SGMS1: variants seen among roughly 807,000 people sequenced by gnomAD.
SGMS1 encodes phosphatidylcholine:ceramide cholinephosphotransferase 1.
In SGMS1, 13 loss-of-function variants were observed where a neutral mutation model predicts 46.2. The ratio of observed to expected loss-of-function variants is 0.28; its 90% CI spans 0.18 to 0.45. The LOEUF is 0.45. Among genes scored for constraint, SGMS1 ranks in the 20% least tolerant of loss-of-function variants. The pLI, the probability that SGMS1 is intolerant of heterozygous loss-of-function variation, is 1.00. For synonymous variants in SGMS1, 203 were observed against 187.8 expected (o/e 1.08, Z -0.66); for missense variants, 324 against 519.9 (o/e 0.62, Z 3.66).
chr10:50,612,174 A>G (rs988612323), intron 1 of SGMS1, among the ~76,000 whole-genome samples: 1 of 152,198 alleles, frequency 6.6e-6, no homozygotes, highest in Non-Finnish European at 1.5e-5. Flanking sequence ...TCCAAATTTA[A>G]GCATCTTCCA....
chr10:50,543,613 G>A (rs1431814989), intron 2 of SGMS1, among the ~76,000 whole-genome samples: 1 of 152,208 alleles, frequency 6.6e-6, no homozygotes, highest in Non-Finnish European at 1.5e-5. Context: ...GAATAATGGG[G>A]TTTTGAGGTC....
chr10:50,559,311 T>C (rs148196607), intron 2 of SGMS1, among the ~76,000 whole-genome samples: 6 of 152,342 alleles, frequency 3.9e-5, no homozygotes, highest in East Asian at 1.9e-4. Flanking sequence ...CAGCCCACCC[T>C]GACCCAGCTG....
intron 3 of SGMS1, among the ~76,000 whole-genome samples, chr10:50,476,150 T>C (rs1389729480): frequency 2.1e-5 from 3 of 140,144 alleles, no homozygotes; most frequent in Non-Finnish European, 4.6e-5. Context: ...GGCGTGTGCC[T>C]ATAATCTGAG....
intron 3 of SGMS1, among the ~76,000 whole-genome samples, chr10:50,505,389 C>A (rs1323417465): frequency 2.6e-5 from 4 of 152,170 alleles, no homozygotes; most frequent in Non-Finnish European, 5.9e-5. Context: ...ATTTTTCTAG[C>A]TGCTCTGTTC....
intron 6 of SGMS1, among the ~76,000 whole-genome samples, chr10:50,408,431 T>TAAAAAAAA (rs71029307): frequency 2.7e-4 from 26 of 95,194 alleles, no homozygotes; most frequent in Non-Finnish European, 4.0e-4. Context: ...CCTCATCTCT[T>TAAAAAAAA]AAAAAAAAAA....
chr10:50,557,643 T>A (rs1285264678), intron 2 of SGMS1, among the ~76,000 whole-genome samples: 5 of 116,484 alleles, frequency 4.3e-5, no homozygotes, highest in South Asian at 2.6e-4. Flanking sequence ...GAACCTGATA[T>A]AAAATCTGAA....
chr10:50,393,580 G>A (rs536510938), intron 6 of SGMS1, among the ~76,000 whole-genome samples: 256 of 152,110 alleles, frequency 1.7e-3, no homozygotes, highest in African/African-American at 5.8e-3. Context: ...AAGGAGGCAC[G>A]TCAGGCAATG....
At chr10:50,528,328 A>G (rs1837922810) in intron 2 of SGMS1, among the ~76,000 whole-genome samples, 1 of 152,238 alleles carries the variant, frequency 6.6e-6, no homozygotes, top group Non-Finnish European at 1.5e-5. Context: ...TAACAGGTAC[A>G]ACACAGATTT....
chr10:50,464,380 T>C (rs911210682), intron 4 of SGMS1, among the ~76,000 whole-genome samples: 2 of 151,992 alleles, frequency 1.3e-5, no homozygotes, highest in Non-Finnish European at 2.9e-5. Context: ...AGCTAAAAAA[T>C]AAGAACAAGG....
chr10:50,380,378 CAA>C (rs10646459), intron 6 of SGMS1, among the ~76,000 whole-genome samples: 25 of 121,412 alleles, frequency 2.1e-4, no homozygotes, highest in Middle Eastern at 4.5e-3. Context: ...GACTCTGTAT[CAA>C]AAAAAAAAAA....
chr10:50,515,979 A>G (rs1358767533), intron 3 of SGMS1, among the ~76,000 whole-genome samples: 3 of 152,196 alleles, frequency 2.0e-5, no homozygotes, highest in African/African-American at 7.2e-5. Flanking sequence ...CTTTCCTATA[A>G]TTAGACTAGT....
intron 5 of SGMS1, among the ~76,000 whole-genome samples, chr10:50,457,525 G>C (rs1201361025): frequency 6.6e-6 from 1 of 152,066 alleles, no homozygotes; most frequent in African/African-American, 2.4e-5. Context: ...CCATCACCAA[G>C]GTAGTAAGCA....
intron 6 of SGMS1, among the ~76,000 whole-genome samples, chr10:50,409,449 T>C (rs1240416564): frequency 6.6e-6 from 1 of 152,210 alleles, no homozygotes; most frequent in Non-Finnish European, 1.5e-5. Context: ...CCAAAAGGAT[T>C]CCTCTACAGT....
chr10:50,437,138 G>T (rs1346623752), intron 5 of SGMS1, among the ~76,000 whole-genome samples: 1 of 152,178 alleles, frequency 6.6e-6, no homozygotes, highest in Non-Finnish European at 1.5e-5. Context: ...ATTGGAAAAT[G>T]TACACTATCC....
At position 50,337,180 on chromosome 10, in the gene SGMS1, A is replaced by C. The variant is rs181733902; in HGVS notation, c.623+6312T>G. On this transcript the variant is annotated intron_variant, in intron 7 of 10. Coordinates refer to ENST00000361781, the MANE Select transcript of SGMS1 (RefSeq NM_147156.4). The stretch of plus-strand genomic sequence containing the variant: ...TACATGGATGGAGTTTAGACAACAC[A>C]TTTTCAAAAACTGAGATGTCACTCT... Among the ~76,000 whole-genome samples, 3 of 152,298 alleles carry C rather than the reference A, an allele frequency of 2.0e-5. No individual in the cohort carries two copies. The East Asian group carries it at 5.8e-4, about 29-fold the overall frequency.
chr10:50,546,761 T>C (rs1483294284), intron 2 of SGMS1, among the ~76,000 whole-genome samples: 1 of 152,072 alleles, frequency 6.6e-6, no homozygotes, highest in African/African-American at 2.4e-5. Context: ...TTAGGAGATA[T>C]ACCCAATGTA....
intron 2 of SGMS1, among the ~76,000 whole-genome samples, chr10:50,557,120 A>T (rs1838195441): frequency 6.6e-6 from 1 of 152,260 alleles, no homozygotes; most frequent in Admixed American, 6.5e-5. Context: ...AAATGTTAAC[A>T]CGATCAGATA....
At chr10:50,625,048 G>T, upstream of SGMS1, 1 of 999,910 alleles carries the variant, frequency 1.0e-6, no homozygotes, top group Non-Finnish European at 1.2e-6. Flanking sequence ...GGCTTTGGGC[G>T]CCGGACTCTG....
intron 1 of SGMS1, among the ~76,000 whole-genome samples, chr10:50,609,880 T>C (rs1275874137): frequency 6.6e-6 from 1 of 152,104 alleles, no homozygotes; most frequent in Non-Finnish European, 1.5e-5. Context: ...TAAGCTACTA[T>C]GGACTTCTCA....
Sources: allele counts gnomAD v4.1 joint callset (sites outside exome capture counted in the v4.1 genomes callset), GRCh38; gene constraint gnomAD v4.1.1; transcripts MANE v1.5; gene names NCBI Gene and HGNC (gene_info 2026-07-23, HGNC 2026-07-21).